IGSF11: variants seen among roughly 807,000 people sequenced by gnomAD.
The protein encoded by IGSF11 is CXADR like 1.
Under a neutral mutation model 41.0 loss-of-function variants are expected in IGSF11, and 22 were observed. The observed-to-expected ratio is 0.54, with a 90% CI of 0.38 to 0.77. The LOEUF (loss-of-function observed/expected upper bound fraction) is 0.77. Ranked by LOEUF, IGSF11 falls within the 30% of genes least tolerant of loss-of-function variation. The pLI is 0.00. For missense variants in IGSF11, 444 were observed against 530.8 expected (o/e 0.84, Z 1.61); for synonymous variants, 219 against 201.3 (o/e 1.09, Z -0.74).
intron 1 of IGSF11, among the ~76,000 whole-genome samples, chr3:119,123,949 C>A (rs56314227): frequency 0.23 from 35,517 of 152,034 alleles, 5,072 homozygotes; most frequent in Middle Eastern, 0.38. Context: ...TCTGCCCAGA[C>A]GCCAAAGAAC....
chr3:119,101,237 C>T (rs942452084), intron 1 of IGSF11, among the ~76,000 whole-genome samples: 9 of 152,120 alleles, frequency 5.9e-5, no homozygotes, highest in Non-Finnish European at 1.2e-4. Flanking sequence ...AGGCCGGGTG[C>T]GGTGGCTCAC....
exon 1 of IGSF11, chr3:119,145,976 G>A (rs73185893): frequency 0.22 from 120,672 of 546,142 alleles, 15,189 homozygotes; most frequent in Middle Eastern, 0.27. Flanking sequence ...CTCAGGACAT[G>A]GCGTACTCCC....
At chr3:119,141,995 G>C (rs1363439127) in intron 1 of IGSF11, among the ~76,000 whole-genome samples, 2 of 152,118 alleles carry the variant, frequency 1.3e-5, no homozygotes, top group Non-Finnish European at 2.9e-5. Flanking sequence ...AAAGTTTCTG[G>C]CCGGGCGCGG....
chr3:118,902,593 T>C lies in IGSF11; in HGVS notation c.1223A>G (p.His408Arg), dbSNP rs946463059. Residue 408 changes from histidine to arginine, a missense_variant, in exon 7 of 7, where the codon CAC becomes CGC. Around this residue, in one of 3 missense-constraint regions of IGSF11, gnomAD observed 223 missense variants for 226.2 expected, o/e 0.99. Coordinates refer to ENST00000393775, the MANE Select transcript of IGSF11 (RefSeq NM_001015887.3). ...PPHTHSYTISHATLERIGAVP... is the reference protein window; with the variant it reads ...PPHTHSYTISRATLERIGAVP... ...TGCACCAATTCGTTCCAGTGTTGCGTGGCTGATGGTGTAGGAATGAGTGTG... is the reference window on the plus strand; with the variant it reads ...TGCACCAATTCGTTCCAGTGTTGCGCGGCTGATGGTGTAGGAATGAGTGTG... 6.2e-7 allele frequency: 1 copy of C among 1,614,052 alleles called. No homozygotes were observed. The highest frequency in any genetic ancestry group is 8.5e-7 in the Non-Finnish European group (1 of 1,179,972).
At chr3:118,970,059 G>C (rs2107616431) in intron 1 of IGSF11, among the ~76,000 whole-genome samples, 1 of 152,146 alleles carries the variant, frequency 6.6e-6, no homozygotes, top group East Asian at 1.9e-4. Flanking sequence ...CCTCTAACTA[G>C]ACAGCCATCT....
intron 1 of IGSF11, among the ~76,000 whole-genome samples, chr3:118,941,537 G>A (rs926918946): frequency 3.9e-5 from 6 of 152,102 alleles, no homozygotes; most frequent in African/African-American, 1.4e-4. Context: ...ATGTAGTACA[G>A]TCATTTGGAA....
At chr3:119,048,731 T>C (rs1941481808) in intron 1 of IGSF11, among the ~76,000 whole-genome samples, 2 of 151,926 alleles carry the variant, frequency 1.3e-5, no homozygotes, top group African/African-American at 4.8e-5. Context: ...TGATAAACAT[T>C]GATGCAAAAA....
At chr3:119,019,624 T>C (rs1487154051) in intron 1 of IGSF11, among the ~76,000 whole-genome samples, 1 of 151,994 alleles carries the variant, frequency 6.6e-6, no homozygotes, top group Non-Finnish European at 1.5e-5. Context: ...AGGAAAGAGT[T>C]GCCCCTATAG....
chr3:118,912,104 C>G (rs1019871147), intron 4 of IGSF11, among the ~76,000 whole-genome samples: 4 of 152,038 alleles, frequency 2.6e-5, no homozygotes, highest in Admixed American at 2.6e-4. Context: ...TTTATATTTA[C>G]CAAGATAAAA....
intron 1 of IGSF11, chr3:118,949,129 G>T (rs1944388575): frequency 6.6e-6 from 1 of 151,710 alleles, no homozygotes; most frequent in African/African-American, 2.4e-5. Flanking sequence ...TAGCATAGAG[G>T]ACAAAGGGCA....
At chr3:119,051,514 C>T (rs568772125) in intron 1 of IGSF11, among the ~76,000 whole-genome samples, 1 of 152,152 alleles carries the variant, frequency 6.6e-6, no homozygotes, top group South Asian at 2.1e-4. Flanking sequence ...AGACAGATGG[C>T]AATACAGTAA....
At chr3:118,991,273 C>A (rs564998365) in intron 1 of IGSF11, among the ~76,000 whole-genome samples, 1 of 152,328 alleles carries the variant, frequency 6.6e-6, no homozygotes, top group South Asian at 2.1e-4. Flanking sequence ...ACAGGGAACA[C>A]CACTTATCAT....
intron 1 of IGSF11, among the ~76,000 whole-genome samples, chr3:118,950,529 C>T (rs1031202924): frequency 6.6e-6 from 1 of 151,872 alleles, no homozygotes; most frequent in Non-Finnish European, 1.5e-5. Flanking sequence ...TGATGTATTT[C>T]TCCTAGTGGG....
intron 4 of IGSF11, among the ~76,000 whole-genome samples, chr3:118,911,721 CAGAGAGAGAGAG>C (rs564142301): frequency 6.7e-6 from 1 of 149,374 alleles, no homozygotes; most frequent in African/African-American, 2.5e-5. Flanking sequence ...AGAGGAGACA[CAGAGAGAGAGAG>C]AGAGAAAGAG....
chr3:118,908,816 C>T (rs750910985), intron 4 of IGSF11, among the ~76,000 whole-genome samples: 37 of 152,202 alleles, frequency 2.4e-4, no homozygotes, highest in Non-Finnish European at 4.6e-4. Flanking sequence ...CTGCCTCTGG[C>T]TGCCTAGTAG....
chr3:119,046,107 G>A (rs531270564), intron 1 of IGSF11, among the ~76,000 whole-genome samples: 2,448 of 151,418 alleles, frequency 0.016, 80 homozygotes, highest in African/African-American at 0.056. Context: ...CCAAAGGAAC[G>A]CAGCTCCTCA....
intron 1 of IGSF11, among the ~76,000 whole-genome samples, chr3:119,113,657 G>T (rs193104398): frequency 6.6e-6 from 1 of 152,300 alleles, no homozygotes; most frequent in East Asian, 1.9e-4. Context: ...CTAGGCACAT[G>T]GTGCAAGCTG....
In IGSF11 at chr3:118,930,115, T is replaced by C. The variant is rs1308448650; in HGVS notation, c.213A>G (p.Glu71=). ...VTPLSNANQP[E]QVILYQGGQM... is the part of the protein sequence containing the mutation. ...GCACAGGATGCAACAGAAATACCTGTTCAGGTTGGTTGGCATTGGAGAGAG... is the reference window on the plus strand; with the variant it reads ...GCACAGGATGCAACAGAAATACCTGCTCAGGTTGGTTGGCATTGGAGAGAG... Residue 71 remains glutamate, a synonymous_variant, in exon 2 of 7, where the codon GAA becomes GAG. Coordinates refer to ENST00000393775, the MANE Select transcript of IGSF11 (RefSeq NM_001015887.3). The C allele has an allele frequency of 6.2e-7, 1 of 1,612,772 alleles. No individual in the cohort carries two copies. Among genetic ancestry groups the C allele is most frequent in the Non-Finnish European group, 8.5e-7 (1 of 1,179,318 alleles).
intron 1 of IGSF11, chr3:118,945,025 C>T (rs947869706): frequency 9.2e-5 from 14 of 152,116 alleles, no homozygotes; most frequent in Non-Finnish European, 7.3e-5. Context: ...GCCTGGGGCA[C>T]ATTATTTTAA....
Sources: allele counts gnomAD v4.1 joint callset (sites outside exome capture counted in the v4.1 genomes callset), GRCh38; gene constraint gnomAD v4.1.1; regional missense constraint gnomAD v4.1.1; transcripts MANE v1.5; gene names NCBI Gene and HGNC (gene_info 2026-07-23, HGNC 2026-07-21).